DCDC2C: variants seen among roughly 807,000 people sequenced by gnomAD.
DCDC2C encodes doublecortin domain-containing protein 2C.
In DCDC2C, 44 loss-of-function variants were observed where a neutral mutation model predicts 45.0. That is an observed-to-expected ratio of 0.98 (90% CI 0.77 to 1.26). The LOEUF is 1.26. Ranked by LOEUF, DCDC2C falls within the 50% of genes most tolerant of loss-of-function variation. The pLI is 0.00. For synonymous variants in DCDC2C, 187 were observed against 178.8 expected (o/e 1.05, Z -0.37); for missense variants, 447 against 468.9 (o/e 0.95, Z 0.43).
intron 9 of DCDC2C, among the ~76,000 whole-genome samples, chr2:3,782,645 ATTT>A (rs1670546710): frequency 6.6e-6 from 1 of 151,800 alleles, no homozygotes; most frequent in Non-Finnish European, 1.5e-5. Context: ...CACCTGGCCA[ATTT>A]TTTGTGTTTT....
intron 3 of DCDC2C, among the ~76,000 whole-genome samples, chr2:3,736,501 T>G (rs1174188310): frequency 1.3e-5 from 2 of 152,086 alleles, no homozygotes; most frequent in East Asian, 3.9e-4. Context: ...GTGGCAGTTA[T>G]AAGAGCATTG....
In DCDC2C at chr2:3,748,479, T is replaced by C. The variant is rs760803330; in HGVS notation, c.546-4284T>C. Among the ~76,000 whole-genome samples the C allele has an allele frequency of 8.6e-5, 13 of 151,740 alleles. 1 individual carries two copies. The highest frequency in any genetic ancestry group is 1.8e-4 in the Non-Finnish European group (12 of 67,946). ...GCTGGGTGACTGTCGGTACCATTCC[T>C]GACAAGGGGGAAGTGGGAGGAGGAA... is the stretch of plus-strand genomic sequence containing the variant. On this transcript the variant is annotated intron_variant, in intron 4 of 10. Coordinates refer to ENST00000399143, the MANE Select transcript of DCDC2C (RefSeq NM_001287444.2).
intron 2 of DCDC2C, among the ~76,000 whole-genome samples, chr2:3,714,284 A>G (rs1572551818): frequency 6.6e-6 from 1 of 152,328 alleles, no homozygotes; most frequent in Admixed American, 6.5e-5. Flanking sequence ...AAATGGAGGG[A>G]CAAGGACAAT....
chr2:3,747,306 G>T (rs17506167), intron 4 of DCDC2C, among the ~76,000 whole-genome samples: 1 of 152,058 alleles, frequency 6.6e-6, no homozygotes, highest in Admixed American at 6.5e-5. Context: ...ATCCACTAGC[G>T]GGTGTTCGGA....
At chr2:3,770,992 G>A (rs758906611) in intron 8 of DCDC2C, among the ~76,000 whole-genome samples, 1 of 152,226 alleles carries the variant, frequency 6.6e-6, no homozygotes, top group Non-Finnish European at 1.5e-5. Flanking sequence ...ACACCAGGTA[G>A]GGCGAAGTCT....
chr2:3,747,489 C>T (rs1004651719), intron 4 of DCDC2C, among the ~76,000 whole-genome samples: 1 of 152,128 alleles, frequency 6.6e-6, no homozygotes, highest in Non-Finnish European at 1.5e-5. Flanking sequence ...GCAGCCTGGC[C>T]ACCACCGTTA....
chr2:3,845,739 C>T (rs148843390), intron 10 of DCDC2C, among the ~76,000 whole-genome samples: 108 of 152,344 alleles, frequency 7.1e-4, no homozygotes, highest in Non-Finnish European at 1.1e-3. Flanking sequence ...TTTCTAATTA[C>T]TTTCGTTGGT....
chr2:3,751,677 T>C (rs1176317948), intron 4 of DCDC2C, among the ~76,000 whole-genome samples: 5 of 152,154 alleles, frequency 3.3e-5, no homozygotes, highest in African/African-American at 1.2e-4. Flanking sequence ...ATTCCTCCTT[T>C]CCATGCCCCC....
chr2:3,783,902 G>A (rs1045314042), intron 9 of DCDC2C, among the ~76,000 whole-genome samples: 1 of 152,114 alleles, frequency 6.6e-6, no homozygotes, highest in Non-Finnish European at 1.5e-5. Flanking sequence ...ATTTCATAAA[G>A]TTAAAAGCTA....
At chr2:3,798,138 C>T (rs1204979425) in intron 10 of DCDC2C, among the ~76,000 whole-genome samples, 1 of 151,832 alleles carries the variant, frequency 6.6e-6, no homozygotes, top group Non-Finnish European at 1.5e-5. Context: ...CCTTCTTTGT[C>T]TCTTTTGATC....
rs543424727 is a variant in DCDC2C, at chr2:3,738,470, G to A, written c.417-3450G>A. On this transcript the variant is annotated intron_variant, in intron 3 of 10. Transcript: ENST00000399143. ...AGAGATAGTGAAATTAAATTGAGAT[G>A]AACTATATGATGAGATATATTCAGC... Among the ~76,000 whole-genome samples the A allele has an allele frequency of 2.4e-3, 301 of 126,690 alleles. 2 individuals are homozygous for A. Among genetic ancestry groups the A allele is most frequent in the Non-Finnish European group, 3.0e-3 (189 of 63,934 alleles). 83.1% of individuals were successfully genotyped at this position (126,690 alleles called of 152,430 possible). A position where few individuals can be genotyped will look rare whatever the true frequency, so the allele number is the denominator to read the frequency against.
chr2:3,725,283 G>A (rs947715482), intron 2 of DCDC2C, among the ~76,000 whole-genome samples: 5 of 152,212 alleles, frequency 3.3e-5, no homozygotes, highest in Admixed American at 1.3e-4. Flanking sequence ...GTGCCCTGGA[G>A]GTGGAGAGGC....
chr2:3,733,922 G>C (rs1029672325), intron 3 of DCDC2C, among the ~76,000 whole-genome samples: 2 of 152,198 alleles, frequency 1.3e-5, no homozygotes, highest in Admixed American at 1.3e-4. Context: ...TAGAAACCAC[G>C]TGGGTTCCTC....
At chr2:3,789,140 C>G (rs1558228584) in intron 10 of DCDC2C, among the ~76,000 whole-genome samples, 1 of 152,178 alleles carries the variant, frequency 6.6e-6, no homozygotes, top group Non-Finnish European at 1.5e-5. Context: ...ACGTGAGCCA[C>G]TCTGCCTGGC....
chr2:3,754,045 T>C (rs1669616478), intron 5 of DCDC2C, among the ~76,000 whole-genome samples: 1 of 152,096 alleles, frequency 6.6e-6, no homozygotes, highest in South Asian at 2.1e-4. Flanking sequence ...CACCTCTCAG[T>C]GTGTTTTGCT....
intron 3 of DCDC2C, among the ~76,000 whole-genome samples, chr2:3,733,110 A>G (rs768967055): frequency 6.6e-6 from 1 of 152,162 alleles, no homozygotes; most frequent in Non-Finnish European, 1.5e-5. Flanking sequence ...ACCTCTAACT[A>G]TTTAGAAAAC....
intron 1 of DCDC2C, among the ~76,000 whole-genome samples, chr2:3,707,144 C>T (rs1301924364): frequency 6.6e-6 from 1 of 152,188 alleles, no homozygotes; most frequent in Non-Finnish European, 1.5e-5. Flanking sequence ...TCTCTATGTG[C>T]CTGAGTTAAA....
At chr2:3,838,476 G>C (rs1352944694) in intron 10 of DCDC2C, among the ~76,000 whole-genome samples, 1 of 150,184 alleles carries the variant, frequency 6.7e-6, no homozygotes. Flanking sequence ...GAGAGAGAGA[G>C]AGAGAGACCA....
chr2:3,749,689 C>A (rs1669481369), intron 4 of DCDC2C, among the ~76,000 whole-genome samples: 1 of 152,182 alleles, frequency 6.6e-6, no homozygotes, highest in African/African-American at 2.4e-5. Flanking sequence ...GTCCTGTTGG[C>A]CCCATAGGGT....
Sources: gnomAD v4.1 joint callset for allele counts (sites outside exome capture counted in the v4.1 genomes callset) on GRCh38, gnomAD v4.1.1 for gene constraint, MANE v1.5 for transcripts, NCBI Gene and HGNC (gene_info 2026-07-23, HGNC 2026-07-21) for gene names.